The following TMEM245 variants were observed in gnomAD, a reference collection of about 807,000 sequenced individuals.
TMEM245 encodes protein CG-2.
TMEM245 carries 69 observed loss-of-function variants against 101.2 expected under a neutral mutation model. The ratio of observed to expected loss-of-function variants is 0.68; its 90% CI spans 0.56 to 0.83. TMEM245 has a LOEUF of 0.83. Ranked by LOEUF, TMEM245 falls within the 40% of genes least tolerant of loss-of-function variation. TMEM245 has a pLI of 0.00. For synonymous variants in TMEM245, 537 were observed against 449.8 expected (o/e 1.19, Z -2.45); for missense variants, 1,075 against 1,092.8 (o/e 0.98, Z 0.23).
chr9:109,079,435 A>C (rs1829606363), intron 8 of TMEM245, among the ~76,000 whole-genome samples: 1 of 151,994 alleles, frequency 6.6e-6, no homozygotes, highest in Admixed American at 6.6e-5. Context: ...CAACTGGAGG[A>C]AGGTCTGGAA....
At chr9:109,079,218 T>C (rs72760343) in intron 8 of TMEM245, among the ~76,000 whole-genome samples, 20,264 of 151,978 alleles carry the variant, frequency 0.13, 1,572 homozygotes, top group African/African-American at 0.19. Context: ...CATGTTGTTT[T>C]ATTCTTGATT....
At position 109,050,666 on chromosome 9, in the gene TMEM245, C is replaced by T. The variant is rs765950230; in HGVS notation, c.1881G>A (p.Met627Ile). The change falls in exon 13 of 18, where the codon ATG becomes ATA. Residue 627 changes from methionine to isoleucine, a missense_variant. Met to Ile is a conservative substitution (Grantham distance 10). This residue lies in a region of TMEM245 where 267 missense variants were observed against 351.3 expected (regional missense o/e 0.76). Transcript: ENST00000374586. ...LSILESLWIV[M>I]SRNVSLLFTT... Reference sequence around the variant, plus strand: ...TGAACAGCAGGCTCACATTCCGGCTCATAACGATCCACAGAGACTCCAAGA... The same window carrying T: ...TGAACAGCAGGCTCACATTCCGGCTTATAACGATCCACAGAGACTCCAAGA... 6.8e-6 allele frequency: 11 copies of T among 1,612,516 alleles called. No individual in the cohort carries two copies. Among genetic ancestry groups the T allele is most frequent in the Non-Finnish European group, 9.3e-6 (11 of 1,179,790 alleles).
rs1271097716 is a variant in TMEM245 at position 109,044,569 on chromosome 9, G to C, written c.2123+5714C>G. 2.0e-5 allele frequency among the ~76,000 whole-genome samples: 3 copies of C among 152,216 alleles called. No homozygotes were observed. In the East Asian group the frequency reaches 5.8e-4, roughly 29 times the overall value. Reference sequence around the variant, plus strand: ...ATATGGTATGTCTCAAGTAGAAAGTGAGCTGGTGGGAGAGACCAGTCAGCT... The same window carrying C: ...ATATGGTATGTCTCAAGTAGAAAGTCAGCTGGTGGGAGAGACCAGTCAGCT... On this transcript the variant is annotated intron_variant, in intron 14 of 17. Transcript: ENST00000374586.
chr9:109,061,844 C>T (rs904440530), intron 10 of TMEM245, among the ~76,000 whole-genome samples: 3 of 152,186 alleles, frequency 2.0e-5, no homozygotes, highest in Non-Finnish European at 2.9e-5. Context: ...GCTGGGATTA[C>T]AGGCATGAGC....
intron 4 of TMEM245, 90 bp from the exon 5 acceptor site, chr9:109,091,245 G>C (rs768793435): frequency 2.2e-5 from 26 of 1,173,110 alleles, no homozygotes; most frequent in Non-Finnish European, 3.0e-5. Context: ...GCCTGTTTCA[G>C]GCCTTCAAAA....
At chr9:109,079,172 T>C (rs1829599605) in intron 8 of TMEM245, among the ~76,000 whole-genome samples, 1 of 152,148 alleles carries the variant, frequency 6.6e-6, no homozygotes, top group Non-Finnish European at 1.5e-5. Flanking sequence ...TACCTGGTCA[T>C]TTTCTAATGC....
chr9:109,108,645 G>C, intron 1 of TMEM245, 75 bp from the exon 2 acceptor site: 1 of 1,086,260 alleles, frequency 9.2e-7, no homozygotes, highest in Non-Finnish European at 1.4e-6. Context: ...AAATCTGTAA[G>C]TGTCTATACA....
At chr9:109,041,747 C>A (rs769540798) in intron 14 of TMEM245, among the ~76,000 whole-genome samples, 2 of 151,894 alleles carry the variant, frequency 1.3e-5, no homozygotes, top group African/African-American at 2.4e-5. Flanking sequence ...AAAAATGGTA[C>A]GTGAAGTAAT....
At chr9:109,063,878 T>C (rs1390763191) in intron 10 of TMEM245, among the ~76,000 whole-genome samples, 1 of 152,190 alleles carries the variant, frequency 6.6e-6, no homozygotes, top group Non-Finnish European at 1.5e-5. Context: ...TTATCTCAAG[T>C]GCCACATCAA....
At chr9:109,055,195 C>T (rs558942869) in intron 12 of TMEM245, among the ~76,000 whole-genome samples, 1 of 152,232 alleles carries the variant, frequency 6.6e-6, no homozygotes, top group South Asian at 2.1e-4. Flanking sequence ...AGTCACAAAA[C>T]AAAACAAAAC....
At chr9:109,106,714 A>G (rs2132639969) in intron 2 of TMEM245, 105 bp from the exon 3 acceptor site, 1 of 693,034 alleles carries the variant, frequency 1.4e-6, no homozygotes, top group East Asian at 2.9e-5. Flanking sequence ...TATATATATT[A>G]GTTACAGAAT....
chr9:109,091,041 G>A lies in TMEM245; in HGVS notation c.1031C>T (p.Thr344Met), dbSNP rs751906384. Reference sequence around the variant, plus strand: ...ACTAGTTTTCTTCTTTCTAAGAAACGTTCCTATTTCAGGCCTTCGTCTGCC... The same window carrying A: ...ACTAGTTTTCTTCTTTCTAAGAAACATTCCTATTTCAGGCCTTCGTCTGCC... Reference protein sequence around the residue: ...TLGRRRPEIGTFLRKKKTSDI... With the variant: ...TLGRRRPEIGMFLRKKKTSDI... The change falls in exon 5 of 18, where the codon ACG (threonine) becomes ATG (methionine). Residue 344 changes from threonine to methionine, a missense_variant. Physicochemically the swap from Thr to Met is moderately conservative, Grantham distance 81 (BLOSUM62 -1). Transcript: ENST00000374586. The A allele has an allele frequency of 9.3e-6, 15 of 1,614,026 alleles. No homozygotes were observed. Among genetic ancestry groups the A allele is most frequent in the Admixed American group, 8.3e-5 (5 of 59,964 alleles).
intron 1 of TMEM245, among the ~76,000 whole-genome samples, chr9:109,117,510 C>G (rs141380796): frequency 6.6e-6 from 1 of 152,296 alleles, no homozygotes; most frequent in East Asian, 1.9e-4. Context: ...CTCTTCCACT[C>G]ATCCACAACC....
chr9:109,061,283 T>A (rs1298487216), intron 10 of TMEM245, among the ~76,000 whole-genome samples: 1 of 151,910 alleles, frequency 6.6e-6, no homozygotes, highest in Non-Finnish European at 1.5e-5. Context: ...GCCAACATGC[T>A]CCAGCCTGAG....
intron 6 of TMEM245, 115 bp downstream of exon 6, chr9:109,087,058 T>A: frequency 2.3e-6 from 2 of 867,402 alleles, no homozygotes; most frequent in Non-Finnish European, 3.3e-6. Context: ...CATCATAGAA[T>A]TAGATATTAC....
chr9:109,072,531 C>T (rs1458378497), intron 9 of TMEM245, among the ~76,000 whole-genome samples: 1 of 152,200 alleles, frequency 6.6e-6, no homozygotes, highest in Non-Finnish European at 1.5e-5. Context: ...GGCCCCGACT[C>T]CCACCTTCAT....
chr9:109,025,958 T>C (rs1468793477), intron 17 of TMEM245, among the ~76,000 whole-genome samples: 1 of 152,214 alleles, frequency 6.6e-6, no homozygotes, highest in Non-Finnish European at 1.5e-5. Context: ...TGTGTGAAGA[T>C]AGTAGTCTAA....
In TMEM245 at chr9:109,018,928, A is replaced by G. The variant is rs1410014837; in HGVS notation, c.*1532T>C. ...TTTTTTTTTTTTTTTTTTTTTTTGT[A>G]GAGATGGGGTTTTGCCATGTTGCCT... On this transcript the variant is annotated 3_prime_UTR_variant, in exon 18 of 18. Transcript: ENST00000374586. 1 of 24,416 alleles carries G rather than the reference A, an allele frequency of 4.1e-5. No homozygotes were observed. The highest frequency in any genetic ancestry group is 8.5e-5 in the Non-Finnish European group (1 of 11,712). The allele number at this position is 24,416 out of a possible 1,614,324, so 1.5% of individuals were successfully genotyped here. A position where few individuals can be genotyped will look rare whatever the true frequency, so the allele number is the denominator to read the frequency against.
chr9:109,063,710 C>A (rs2132448352), intron 10 of TMEM245, among the ~76,000 whole-genome samples: 1 of 152,288 alleles, frequency 6.6e-6, no homozygotes, highest in South Asian at 2.1e-4. Context: ...TTCCCCTTCA[C>A]AAAGCTCCCT....
Sources: allele counts gnomAD v4.1 joint callset (sites outside exome capture counted in the v4.1 genomes callset), GRCh38; gene constraint gnomAD v4.1.1; regional missense constraint gnomAD v4.1.1; transcripts MANE v1.5; gene names NCBI Gene and HGNC (gene_info 2026-07-23, HGNC 2026-07-21).